COX14: variants seen among roughly 807,000 people sequenced by gnomAD.
COX14 encodes the protein cytochrome c oxidase assembly factor COX14.
Under a neutral mutation model 5.8 loss-of-function variants are expected in COX14, and 3 were observed. That is an observed-to-expected ratio of 0.51 (90% CI 0.23 to 1.33). The LOEUF (loss-of-function observed/expected upper bound fraction) is 1.33. COX14 is among the 40% of genes most tolerant of loss of function. COX14 has a pLI of 0.18. For missense variants in COX14, 72 were observed against 72.1 expected, an observed-to-expected ratio of 1.00 and a Z score of 0.01; for synonymous variants, 25 against 26.1, an observed-to-expected ratio of 0.96 and a Z score of 0.13.
At chr12:50,116,674 G>C (rs1168426265) in intron 1 of COX14, among the ~76,000 whole-genome samples, 1 of 152,190 alleles carries the variant, frequency 6.6e-6, no homozygotes, top group Admixed American at 6.5e-5. Flanking sequence ...AGGGCTCTTT[G>C]CAGGCGGCTT....
At chr12:50,113,668 T>A (rs1444578130) in intron 1 of COX14, among the ~76,000 whole-genome samples, 1 of 151,732 alleles carries the variant, frequency 6.6e-6, no homozygotes, top group Non-Finnish European at 1.5e-5. Flanking sequence ...AGTCTCGCCC[T>A]GTCGCCCAGG....
intron 1 of COX14, among the ~76,000 whole-genome samples, chr12:50,117,358 T>TGTGTGC (rs1951089641): frequency 6.6e-6 from 1 of 152,048 alleles, no homozygotes; most frequent in Non-Finnish European, 1.5e-5. Context: ...TTGGTGTGTG[T>TGTGTGC]GTGTGCGTGG....
chr12:50,117,533 T>C (rs546771302), intron 1 of COX14, among the ~76,000 whole-genome samples: 1 of 152,000 alleles, frequency 6.6e-6, no homozygotes, highest in East Asian at 1.9e-4. Flanking sequence ...CCAAAGGTCC[T>C]TGAGACATTC....
intron 1 of COX14, among the ~76,000 whole-genome samples, chr12:50,114,232 A>AC (rs1267215913): frequency 2.8e-4 from 43 of 151,364 alleles, no homozygotes; most frequent in East Asian, 9.7e-4. Context: ...AAAAAAAAAA[A>AC]AAAAAACAGG....
At chr12:50,112,901 GATGTACGTTATGTT>G (rs1565750731) in intron 1 of COX14, 1 of 82,776 alleles carries the variant, frequency 1.2e-5, no homozygotes, top group Non-Finnish European at 2.2e-5. Flanking sequence ...TCCGTAGCAT[GATGTACGTTATGTT>G]ATGTTATGTT....
chr12:50,116,339 C>T (rs1362093038), intron 1 of COX14, among the ~76,000 whole-genome samples: 6 of 152,112 alleles, frequency 3.9e-5, no homozygotes, highest in Admixed American at 2.0e-4. Context: ...GTGATCTGCC[C>T]GACTCAGCCT....
Position 50,120,046 on chromosome 12 carries a change from GCCAA to G in COX14, c.5_8del (p.Pro2LeufsTer5). 6.2e-7 allele frequency: 1 copy of G among 1,613,986 alleles called. No homozygotes were observed. The highest frequency in any genetic ancestry group is 2.2e-5 in the East Asian group (1 of 44,882). ...AATCTGTCTTTGTAGGGGACAAGATGCCAACTGGCAAGCAGCTAGCTGACATTGG... is the reference window on the plus strand; with the variant it reads ...AATCTGTCTTTGTAGGGGACAAGATGCTGGCAAGCAGCTAGCTGACATTGG... On this transcript the variant is annotated frameshift_variant, in exon 2 of 2. Transcript: ENST00000550487. LOFTEE classifies it high-confidence loss of function.
At chr12:50,118,121 G>T (rs1245264172) in intron 1 of COX14, among the ~76,000 whole-genome samples, 1 of 145,834 alleles carries the variant, frequency 6.9e-6, no homozygotes, top group Admixed American at 6.9e-5. Context: ...ATCTCACCTC[G>T]CTGCAACCTC....
intron 1 of COX14, among the ~76,000 whole-genome samples, chr12:50,116,308 G>A (rs538903609): frequency 3.0e-4 from 45 of 152,284 alleles, no homozygotes; most frequent in Admixed American, 2.5e-3. Flanking sequence ...GGCCAGGCTG[G>A]TCTCGAACTC....
At chr12:50,119,552 G>A (rs946729139) in intron 1 of COX14, among the ~76,000 whole-genome samples, 7 of 152,138 alleles carry the variant, frequency 4.6e-5, no homozygotes, top group African/African-American at 1.4e-4. Flanking sequence ...AAAACTGGGC[G>A]GTGTGGTGGT....
chr12:50,116,679 C>T (rs12369049), intron 1 of COX14, among the ~76,000 whole-genome samples: 1 of 151,934 alleles, frequency 6.6e-6, no homozygotes, highest in African/African-American at 2.4e-5. Context: ...TCTTTGCAGG[C>T]GGCTTAGCGT....
chr12:50,116,521 T>G (rs1951082239), intron 1 of COX14, among the ~76,000 whole-genome samples: 1 of 152,254 alleles, frequency 6.6e-6, no homozygotes, highest in South Asian at 2.1e-4. Flanking sequence ...CTAGCCAAGC[T>G]GTACCATCCT....
chr12:50,114,701 A>G (rs1480407154), intron 1 of COX14, among the ~76,000 whole-genome samples: 2 of 149,900 alleles, frequency 1.3e-5, no homozygotes, highest in Non-Finnish European at 3.0e-5. Context: ...TCTAAGCTGT[A>G]TCTATCTAAA....
At position 50,115,238 on chromosome 12, in the gene COX14, G is replaced by A. The variant is rs143090144; in HGVS notation, c.-9+2937G>A. On this transcript the variant is annotated intron_variant, in intron 1 of 1. Transcript: ENST00000550487. ...CTTAATTTTTTTTTTTTTTTGAGACGGAGTCTGGTTTTGTTGCCCAGGCTG... is the reference window on the plus strand; with the variant it reads ...CTTAATTTTTTTTTTTTTTTGAGACAGAGTCTGGTTTTGTTGCCCAGGCTG... Among the ~76,000 whole-genome samples the A allele has an allele frequency of 6.7e-3, 967 of 144,886 alleles. 5 individuals are homozygous for A. The highest frequency in any genetic ancestry group is 1.0e-2 in the Non-Finnish European group (661 of 66,290).
At chr12:50,118,266 C>T (rs1235226919) in intron 1 of COX14, among the ~76,000 whole-genome samples, 2 of 131,826 alleles carry the variant, frequency 1.5e-5, no homozygotes, top group African/African-American at 5.7e-5. Context: ...AGGCTGGTCT[C>T]GAACTCCTGA....
intron 1 of COX14, among the ~76,000 whole-genome samples, chr12:50,114,637 C>G (rs1307408150): frequency 6.6e-6 from 1 of 151,978 alleles, no homozygotes; most frequent in Non-Finnish European, 1.5e-5. Context: ...TGGTCTTATC[C>G]TCTCCTTTGG....
At chr12:50,115,461 C>T (rs528077922) in intron 1 of COX14, among the ~76,000 whole-genome samples, 3 of 150,020 alleles carry the variant, frequency 2.0e-5, no homozygotes, top group Non-Finnish European at 3.0e-5. Context: ...GTGATCCACC[C>T]GCCTTGGCCT....
chr12:50,112,290 T>A lies in COX14; in HGVS notation c.-20T>A. On this transcript the variant is annotated 5_prime_UTR_variant, in exon 1 of 2. Coordinates refer to ENST00000550487, the MANE Select transcript of COX14 (RefSeq NM_032901.4). ...AGGCCTCGGTTGGATGCGAAGGAGCTGCAGCATCCAGGTACGCTGCCGGCT... is the reference window on the plus strand; with the variant it reads ...AGGCCTCGGTTGGATGCGAAGGAGCAGCAGCATCCAGGTACGCTGCCGGCT... The A allele has an allele frequency of 1.0e-6, 1 of 985,308 alleles. No individual in the cohort carries two copies. The highest frequency in any genetic ancestry group is 1.2e-6 in the Non-Finnish European group (1 of 829,774). 61.0% of individuals were successfully genotyped at this position (985,308 alleles called of 1,614,324 possible). A position where few individuals can be genotyped will look rare whatever the true frequency, so the allele number is the denominator to read the frequency against.
intron 1 of COX14, chr12:50,113,030 TTTGTTG>T (rs1015670256): frequency 1.3e-5 from 2 of 150,750 alleles, no homozygotes; most frequent in Non-Finnish European, 3.0e-5. Context: ...AGGTTTTTTT[TTTGTTG>T]TTGTTGTTGT....
Sources: allele counts gnomAD v4.1 joint callset (sites outside exome capture counted in the v4.1 genomes callset), GRCh38; gene constraint gnomAD v4.1.1; transcripts MANE v1.5; gene names NCBI Gene and HGNC (gene_info 2026-07-23, HGNC 2026-07-21).